FTO: variants seen among roughly 807,000 people sequenced by gnomAD.
FTO encodes the protein FTO alpha-ketoglutarate dependent dioxygenase.
FTO carries 47 observed loss-of-function variants against 63.9 expected under a neutral mutation model. The observed-to-expected ratio is 0.74, with a 90% CI of 0.58 to 0.94. The LOEUF (loss-of-function observed/expected upper bound fraction) is 0.94. Ranked by LOEUF, FTO falls within the 40% of genes least tolerant of loss-of-function variation. The pLI, the probability that FTO is intolerant of heterozygous loss-of-function variation, is 0.00. For missense variants in FTO, 562 were observed against 618.1 expected, an observed-to-expected ratio of 0.91 and a Z score of 0.96; for synonymous variants, 207 against 224.4, an observed-to-expected ratio of 0.92 and a Z score of 0.69.
At chr16:53,864,451 A>T (rs916055640) in intron 4 of FTO, among the ~76,000 whole-genome samples, 1 of 152,194 alleles carries the variant, frequency 6.6e-6, no homozygotes, top group Admixed American at 6.5e-5. Context: ...AGTCGTGAAC[A>T]TGAATTGGTT....
Position 53,879,813 on chromosome 16 carries a change from A to G in FTO, c.976-31A>G, listed in dbSNP as rs373863802. ...GGTAGAGTAAACTTAGATTTTGCCC[A>G]TAATTGTGATTGCTGGTTCTGTCTC... is the stretch of plus-strand genomic sequence containing the variant. On this transcript the variant is annotated intron_variant, in intron 5 of 8. Transcript: ENST00000471389. The G allele has an allele frequency of 3.3e-5, 53 of 1,613,310 alleles. No homozygotes were observed. In the African/African-American group the frequency reaches 6.8e-4, roughly 21 times the overall value.
chr16:53,719,253 CTTTTTTTTTTTTT>C (rs10527186), intron 1 of FTO, among the ~76,000 whole-genome samples: 7,801 of 135,966 alleles, frequency 0.057, 249 homozygotes, highest in African/African-American at 0.074. Flanking sequence ...TCTTCTTCTT[CTTTTTTTTTTTTT>C]TTTTTTTTTG....
intron 7 of FTO, among the ~76,000 whole-genome samples, chr16:53,894,117 T>C (rs2081220484): frequency 6.6e-6 from 1 of 152,194 alleles, no homozygotes; most frequent in African/African-American, 2.4e-5. Flanking sequence ...AACCAGTTTC[T>C]TGTTGTTAAA....
chr16:54,099,879 G>C (rs570682668), intron 8 of FTO, among the ~76,000 whole-genome samples: 1 of 152,138 alleles, frequency 6.6e-6, no homozygotes, highest in East Asian at 1.9e-4. Flanking sequence ...ACTCTACAGC[G>C]GCCTGAGTCT....
rs2086996940 is a variant in FTO, at chr16:54,120,289, G to A, written c.*8374G>A. On this transcript the variant is annotated 3_prime_UTR_variant, in exon 9 of 9. Transcript: ENST00000471389. ...ATGAGGAAGCTAGCCAAGGCCACAG[G>A]CCTTCCTTTGACTGCCATATTGCCA... 1 of 152,254 alleles carries A rather than the reference G, an allele frequency of 6.6e-6. No homozygotes were observed. Among genetic ancestry groups the A allele is most frequent in the African/African-American group, 2.4e-5 (1 of 41,456 alleles). 9.4% of individuals were successfully genotyped at this position (152,254 alleles called of 1,614,324 possible).
At chr16:53,773,678 T>C (rs932753232) in intron 1 of FTO, among the ~76,000 whole-genome samples, 2 of 152,214 alleles carry the variant, frequency 1.3e-5, no homozygotes, top group East Asian at 3.8e-4. Context: ...CTAACAGGAC[T>C]AGTTTTCGCA....
chr16:53,799,281 G>A (rs2078160558), intron 1 of FTO, among the ~76,000 whole-genome samples: 1 of 152,072 alleles, frequency 6.6e-6, no homozygotes, highest in Admixed American at 6.6e-5. Context: ...ATGCTTTGTA[G>A]ACTTTATCAG....
chr16:54,000,293 C>A (rs969209431), intron 8 of FTO, among the ~76,000 whole-genome samples: 2 of 152,074 alleles, frequency 1.3e-5, no homozygotes, highest in African/African-American at 4.8e-5. Context: ...GGTCAACAGG[C>A]ACAGAAGTCA....
chr16:54,063,528 A>G (rs1418901062), intron 8 of FTO: 1 of 152,216 alleles, frequency 6.6e-6, no homozygotes, highest in East Asian at 1.9e-4. Flanking sequence ...TATCCTTGAG[A>G]TCACAAATGC....
chr16:53,894,396 A>T (rs2151914848), intron 7 of FTO, among the ~76,000 whole-genome samples: 1 of 152,352 alleles, frequency 6.6e-6, no homozygotes. Context: ...TGAAGTTCTC[A>T]TCACAGTGCT....
intron 8 of FTO, among the ~76,000 whole-genome samples, chr16:53,948,842 T>C (rs2082707362): frequency 6.6e-6 from 1 of 152,168 alleles, no homozygotes; most frequent in South Asian, 2.1e-4. Flanking sequence ...CTCACACTTC[T>C]CAAGAATAGA....
chr16:53,955,432 T>G (rs2143572869), intron 8 of FTO, among the ~76,000 whole-genome samples: 1 of 152,142 alleles, frequency 6.6e-6, no homozygotes, highest in East Asian at 1.9e-4. Flanking sequence ...GGAATGGAAC[T>G]TTTTAGGGAA....
intron 8 of FTO, among the ~76,000 whole-genome samples, chr16:54,068,495 G>A (rs1036035838): frequency 4.8e-4 from 73 of 152,178 alleles, no homozygotes; most frequent in African/African-American, 1.7e-3. Context: ...CAGTTACCTG[G>A]CCCTATTGTT....
intron 1 of FTO, among the ~76,000 whole-genome samples, chr16:53,733,220 C>T (rs928806180): frequency 6.6e-6 from 1 of 151,966 alleles, no homozygotes; most frequent in Non-Finnish European, 1.5e-5. Context: ...CCAAACATGG[C>T]GAAACCCCTG....
At position 53,771,614 on chromosome 16, in the gene FTO, C is replaced by T. The variant is rs147870440; in HGVS notation, c.46-38526C>T. Among the ~76,000 whole-genome samples the T allele has an allele frequency of 8.1e-3, 1,231 of 152,168 alleles. 10 individuals are homozygous for T. Among genetic ancestry groups the T allele is most frequent in the Middle Eastern group, 0.051 (15 of 292 alleles). ...TACCATATAACCCGGCAATTCCACTCCTAGTTACCCAAGAGAAATGACAAT... is the reference window on the plus strand; with the variant it reads ...TACCATATAACCCGGCAATTCCACTTCTAGTTACCCAAGAGAAATGACAAT... On this transcript the variant is annotated intron_variant, in intron 1 of 8. Coordinates refer to ENST00000471389, the MANE Select transcript of FTO (RefSeq NM_001080432.3).
intron 1 of FTO, among the ~76,000 whole-genome samples, chr16:53,762,326 C>T (rs567151766): frequency 2.0e-5 from 3 of 152,054 alleles, no homozygotes; most frequent in Admixed American, 6.5e-5. Flanking sequence ...TTAAAGAAAC[C>T]CTTTAATAGT....
chr16:54,014,293 C>T (rs1289696618), intron 8 of FTO, among the ~76,000 whole-genome samples: 1 of 152,094 alleles, frequency 6.6e-6, no homozygotes, highest in East Asian at 1.9e-4. Flanking sequence ...GGAGGCAGAT[C>T]CCTCATGGAC....
At chr16:53,950,580 G>A (rs751881154) in intron 8 of FTO, among the ~76,000 whole-genome samples, 1 of 152,228 alleles carries the variant, frequency 6.6e-6, no homozygotes, top group African/African-American at 2.4e-5. Flanking sequence ...CCACGTGGAA[G>A]TATTTCTTTC....
At chr16:53,807,078 C>T (rs2078393115) in intron 1 of FTO, among the ~76,000 whole-genome samples, 1 of 152,062 alleles carries the variant, frequency 6.6e-6, no homozygotes, top group Non-Finnish European at 1.5e-5. Context: ...TTGATTTCAC[C>T]GATGTAAGCA....
Sources: gnomAD v4.1 joint callset for allele counts (sites outside exome capture counted in the v4.1 genomes callset) on GRCh38, gnomAD v4.1.1 for gene constraint, MANE v1.5 for transcripts, NCBI Gene and HGNC (gene_info 2026-07-23, HGNC 2026-07-21) for gene names.